The following ENTREP1 variants were observed in gnomAD, a reference collection of about 807,000 sequenced individuals.
The protein encoded by ENTREP1 is Friedreich ataxia region gene X123.
the ENTREP1 span, among the ~76,000 whole-genome samples, chr9:69,342,801 G>A: frequency 6.6e-6 from 1 of 152,228 alleles, no homozygotes; most frequent in East Asian, 1.9e-4. Context: ...CTTAGGTATT[G>A]TGAAGGCAGC....
the ENTREP1 span, chr9:69,377,251 A>T: frequency 2.8e-6 from 2 of 718,402 alleles, no homozygotes; most frequent in African/African-American, 1.7e-5. Flanking sequence ...CTTTACATGC[A>T]TCCTCTCCTG....
the ENTREP1 span, among the ~76,000 whole-genome samples, chr9:69,391,008 T>C: frequency 1.3e-5 from 2 of 151,504 alleles, no homozygotes; most frequent in African/African-American, 4.9e-5. Context: ...GGTCTCAAAC[T>C]CCTGGGTTGA....
the ENTREP1 span, chr9:69,336,361 C>A: frequency 2.8e-6 from 2 of 718,806 alleles, no homozygotes; most frequent in Non-Finnish European, 4.8e-6. Context: ...GCTTAAGCTT[C>A]CTTGTTCATT....
chr9:69,371,019 T>C, the ENTREP1 span, among the ~76,000 whole-genome samples: 1 of 152,158 alleles, frequency 6.6e-6, no homozygotes. Flanking sequence ...GTACCTAAAG[T>C]GTTCAGAACT....
At chr9:69,371,807 G>A in the ENTREP1 span, among the ~76,000 whole-genome samples, 2 of 152,180 alleles carry the variant, frequency 1.3e-5, no homozygotes, top group African/African-American at 2.4e-5. Flanking sequence ...TTCCAAAGCA[G>A]GGACCAGCCA....
At chr9:69,357,431 C>T in the ENTREP1 span, among the ~76,000 whole-genome samples, 1 of 152,170 alleles carries the variant, frequency 6.6e-6, no homozygotes. Context: ...AAATCAGGGA[C>T]TTCCATAATA....
chr9:69,373,986 T>G, the ENTREP1 span, among the ~76,000 whole-genome samples: 1 of 152,186 alleles, frequency 6.6e-6, no homozygotes, highest in Non-Finnish European at 1.5e-5. Context: ...TCTGTCACCC[T>G]AAAAAGTTCT....
the ENTREP1 span, among the ~76,000 whole-genome samples, chr9:69,352,730 G>A: frequency 1.3e-5 from 2 of 152,094 alleles, no homozygotes; most frequent in Non-Finnish European, 2.9e-5. Flanking sequence ...GTTTGTCAGG[G>A]CCAGCTAGCT....
the ENTREP1 span, chr9:69,386,689 AAAC>A: frequency 6.6e-6 from 1 of 152,176 alleles, no homozygotes; most frequent in Non-Finnish European, 1.5e-5. Flanking sequence ...TATGCAAATA[AAAC>A]TTTGATAATC....
the ENTREP1 span, chr9:69,381,268 C>T: frequency 6.6e-6 from 1 of 152,208 alleles, no homozygotes; most frequent in Admixed American, 6.5e-5. Flanking sequence ...TTCTGAGCCT[C>T]AGTTTCCTCA....
At chr9:69,379,249 C>T in the ENTREP1 span, among the ~76,000 whole-genome samples, 2 of 152,304 alleles carry the variant, frequency 1.3e-5, no homozygotes, top group African/African-American at 4.8e-5. Flanking sequence ...AGATAGGTCA[C>T]CAGTGGGGCT....
At chr9:69,386,360 A>ATC in the ENTREP1 span, 367 of 153,012 alleles carry the variant, frequency 2.4e-3, 1 homozygote, top group African/African-American at 8.1e-3. Context: ...ATGTATGAGT[A>ATC]GATGATTGAA....
chr9:69,378,471 GA>G, the ENTREP1 span, among the ~76,000 whole-genome samples: 1 of 151,978 alleles, frequency 6.6e-6, no homozygotes, highest in Admixed American at 6.6e-5. Flanking sequence ...TTTTTTTAAA[GA>G]ATGACTTCAT....
chr9:69,331,976 G>C, the ENTREP1 span, among the ~76,000 whole-genome samples: 1 of 152,178 alleles, frequency 6.6e-6, no homozygotes, highest in Admixed American at 6.6e-5. Flanking sequence ...TGAATACTCT[G>C]TCTCCTTCTC....
At chr9:69,328,131 A>G in the ENTREP1 span, among the ~76,000 whole-genome samples, 1 of 152,328 alleles carries the variant, frequency 6.6e-6, no homozygotes, top group Non-Finnish European at 1.5e-5. Context: ...CAATGGTTTC[A>G]TCTGCACCCC....
At chr9:69,333,503 C>T in the ENTREP1 span, among the ~76,000 whole-genome samples, 1 of 152,030 alleles carries the variant, frequency 6.6e-6, no homozygotes, top group Non-Finnish European at 1.5e-5. Context: ...CAGGGTCTCA[C>T]CGTGTTGGCC....
the ENTREP1 span, chr9:69,382,872 CT>C: frequency 2.1e-4 from 55 of 268,022 alleles, no homozygotes; most frequent in East Asian, 1.8e-4. Context: ...CTTTTGTTCT[CT>C]TTTTTTTTCT....
chr9:69,372,364 G>A, the ENTREP1 span, among the ~76,000 whole-genome samples: 85 of 152,212 alleles, frequency 5.6e-4, no homozygotes, highest in African/African-American at 2.0e-3. Flanking sequence ...CCAGCCCCTG[G>A]CAATCACCAT....
At chr9:69,345,485 C>T in the ENTREP1 span, among the ~76,000 whole-genome samples, 206 of 152,188 alleles carry the variant, frequency 1.4e-3, no homozygotes, top group African/African-American at 4.4e-3. Context: ...ATTATCTATC[C>T]ATCTACCTAT....
Sources: allele counts gnomAD v4.1 joint callset (sites outside exome capture counted in the v4.1 genomes callset), GRCh38; gene constraint gnomAD v4.1.1; transcripts MANE v1.5; gene names NCBI Gene and HGNC (gene_info 2026-07-23, HGNC 2026-07-21).